The following THOP1 variants were observed in gnomAD, a reference collection of about 807,000 sequenced individuals.
THOP1 encodes thimet oligopeptidase.
In THOP1, 49 loss-of-function variants were observed where a neutral mutation model predicts 71.8. That is an observed-to-expected ratio of 0.68 (90% CI 0.54 to 0.87). The LOEUF is 0.87. THOP1 is among the 40% of genes least tolerant of loss of function. The probability of loss-of-function intolerance (pLI) is 0.00; values close to 1 mark genes in which losing one functional copy is unlikely to be tolerated. For missense variants in THOP1, 843 were observed against 975.6 expected (o/e 0.86, Z 1.81); for synonymous variants, 426 against 421.5 (o/e 1.01, Z -0.13).
intron 1 of THOP1, 46 bp from the exon 2 acceptor site, chr19:2,790,375 G>A: frequency 6.8e-7 from 1 of 1,481,188 alleles, no homozygotes; most frequent in Middle Eastern, 2.0e-4. Flanking sequence ...GACCCTAACT[G>A]AACCGAAAGC....
intron 5 of THOP1, among the ~76,000 whole-genome samples, chr19:2,802,933 T>C (rs1270172223): frequency 6.6e-6 from 1 of 152,240 alleles, no homozygotes; most frequent in Non-Finnish European, 1.5e-5. Context: ...CTCCGAACAA[T>C]CCCTGTGTCC....
chr19:2,790,658 G>C, intron 2 of THOP1, 25 bp downstream of exon 2: 23 of 1,501,454 alleles, frequency 1.5e-5, no homozygotes, highest in Non-Finnish European at 2.0e-5. Flanking sequence ...GGGTCTGTGC[G>C]TGGGCCGCAG....
At position 2,800,249 on chromosome 19, in the gene THOP1, G is replaced by A. The variant is rs575039712; in HGVS notation, c.589+458G>A. On this transcript the variant is annotated intron_variant, in intron 5 of 12. Transcript: ENST00000307741. The stretch of plus-strand genomic sequence containing the variant: ...TGCCCAGGCTGGAGTGCAGTGGTGC[G>A]ACCTCCACTCACTGCAACCTCCGTC... 2.4e-4 allele frequency among the ~76,000 whole-genome samples: 37 copies of A among 152,218 alleles called. 1 individual carries two copies. The highest frequency in any genetic ancestry group is 8.2e-4 in the African/African-American group (34 of 41,526).
At chr19:2,794,735 A>G (rs1599521629) in intron 2 of THOP1, 29 bp from the exon 3 acceptor site, 5 of 1,597,264 alleles carry the variant, frequency 3.1e-6, no homozygotes, top group Non-Finnish European at 4.3e-6. Context: ...CTGTTCTCAC[A>G]CCTGTCTCCC....
chr19:2,813,039 G>A (rs1475316993), intron 12 of THOP1, 76 bp from the exon 13 acceptor site: 2 of 1,484,506 alleles, frequency 1.3e-6, no homozygotes, highest in East Asian at 2.5e-5. Context: ...CCTGGGCGAG[G>A]GTGTGCAGAC....
chr19:2,811,009 G>A (rs1599533624), intron 11 of THOP1, among the ~76,000 whole-genome samples: 1 of 152,216 alleles, frequency 6.6e-6, no homozygotes, highest in East Asian at 1.9e-4. Context: ...TGGAGCCTCT[G>A]CTTTGAATGA....
In THOP1 at chr19:2,807,813, G is replaced by GT. The variant is rs1462284258; in HGVS notation, c.1253+6dup. The GT allele has an allele frequency of 6.8e-7, 1 of 1,479,752 alleles. No homozygotes were observed. Among genetic ancestry groups the GT allele is most frequent in the Non-Finnish European group, 8.9e-7 (1 of 1,117,614 alleles). The allele number at this position is 1,479,752 out of a possible 1,614,324, so 91.7% of individuals were successfully genotyped here. ...CTACCTGGACCTGTACCCGCGGTGG[G>GT]TGAGGGCAGCGGGGGCGGGGGGCGC... On this transcript the variant is annotated splice_donor_region_variant and intron_variant, in intron 8 of 12. Transcript: ENST00000307741.
rs1916572421 is a variant in THOP1 at position 2,815,094 on chromosome 19, GA to G, written c.*1822del. ...AATAAAATACCTGGGGTTCAGAAAAGAAAAGCTGGAAGGCAAAGCCGACCGC... is the reference window on the plus strand; with the variant it reads ...AATAAAATACCTGGGGTTCAGAAAAGAAAGCTGGAAGGCAAAGCCGACCGC... On this transcript the variant is annotated 3_prime_UTR_variant, in exon 13 of 13. Transcript: ENST00000307741. 1 of 152,298 alleles carries G rather than the reference GA, an allele frequency of 6.6e-6. No homozygotes were observed. Among genetic ancestry groups the G allele is most frequent in the Non-Finnish European group, 1.5e-5 (1 of 68,112 alleles). 9.4% of individuals were successfully genotyped at this position (152,298 alleles called of 1,614,324 possible).
At chr19:2,803,987 G>T (rs1599527950) in intron 5 of THOP1, among the ~76,000 whole-genome samples, 1 of 150,778 alleles carries the variant, frequency 6.6e-6, no homozygotes, top group African/African-American at 2.4e-5. Flanking sequence ...CCTGGGGTCG[G>T]CGTGAGCTCC....
intron 2 of THOP1, among the ~76,000 whole-genome samples, chr19:2,793,578 T>G (rs943106579): frequency 1.3e-5 from 2 of 152,062 alleles, no homozygotes; most frequent in African/African-American, 2.4e-5. Flanking sequence ...TAATCCCAGC[T>G]ACTCGGGAGG....
chr19:2,807,924 T>C, intron 8 of THOP1, 116 bp downstream of exon 8: 1 of 1,245,718 alleles, frequency 8.0e-7, no homozygotes. Context: ...GCCTCGGGGA[T>C]GAACCCCGAG....
At chr19:2,795,730 A>T (rs1355215855) in intron 3 of THOP1, among the ~76,000 whole-genome samples, 1 of 152,196 alleles carries the variant, frequency 6.6e-6, no homozygotes, top group African/African-American at 2.4e-5. Flanking sequence ...AAAGAATCGA[A>T]TGCCTTTGCC....
In THOP1 at chr19:2,801,215, G is replaced by T. The variant is rs971347161; in HGVS notation, c.589+1424G>T. On this transcript the variant is annotated intron_variant, in intron 5 of 12. Coordinates refer to ENST00000307741, the MANE Select transcript of THOP1 (RefSeq NM_003249.5). The surrounding 1 kb of genome is among the most constrained non-coding windows in gnomAD (Gnocchi z 5.1). ...CTGGGTGTGAATCCTGGGGAAGTCT[G>T]TATGAAGCGCGGTGGAAGTTCAGTT... Among the ~76,000 whole-genome samples the T allele has an allele frequency of 1.3e-5, 2 of 152,222 alleles. No individual in the cohort carries two copies. Among genetic ancestry groups the T allele is most frequent in the Non-Finnish European group, 2.9e-5 (2 of 68,042 alleles).
chr19:2,808,550 C>A, intron 9 of THOP1, 106 bp downstream of exon 9: 1 of 1,263,436 alleles, frequency 7.9e-7, no homozygotes, highest in Non-Finnish European at 1.1e-6. Flanking sequence ...TCTCTGCACC[C>A]GTCCGGTGGC....
At chr19:2,785,814 G>A (rs1915727697) in intron 1 of THOP1, 136 bp downstream of exon 1, 2 of 760,456 alleles carry the variant, frequency 2.6e-6, no homozygotes, top group African/African-American at 1.8e-5. Context: ...AGCGGGGGAG[G>A]TGGACGACCC....
chr19:2,798,073 G>T (rs1916060343), intron 4 of THOP1, among the ~76,000 whole-genome samples: 1 of 152,176 alleles, frequency 6.6e-6, no homozygotes, highest in African/African-American at 2.4e-5. Flanking sequence ...CTGTCTCCCA[G>T]GCTGGAGTGC....
intron 3 of THOP1, 26 bp downstream of exon 3, chr19:2,794,938 A>G (rs1343157396): frequency 6.9e-6 from 11 of 1,591,232 alleles, no homozygotes; most frequent in African/African-American, 2.7e-5. Flanking sequence ...GGGGAGTGCA[A>G]ATAGCCTCCC....
At chr19:2,790,974 C>A (rs1337744480) in intron 2 of THOP1, among the ~76,000 whole-genome samples, 1 of 152,254 alleles carries the variant, frequency 6.6e-6, no homozygotes, top group Non-Finnish European at 1.5e-5. Flanking sequence ...AAACAGCACG[C>A]CTCTCCAGCC....
At chr19:2,810,844 T>C in intron 11 of THOP1, 76 bp downstream of exon 11, 9 of 1,518,178 alleles carry the variant, frequency 5.9e-6, no homozygotes, top group Non-Finnish European at 7.9e-6. Context: ...AGGGAGTTGG[T>C]CCCCATGCTT....
Sources: allele counts gnomAD v4.1 joint callset (sites outside exome capture counted in the v4.1 genomes callset), GRCh38; gene constraint gnomAD v4.1.1; non-coding constraint Gnocchi (gnomAD v3.1); transcripts MANE v1.5; gene names NCBI Gene and HGNC (gene_info 2026-07-23, HGNC 2026-07-21).